The following TTC6 variants were observed in gnomAD, a reference collection of about 807,000 sequenced individuals.
TTC6 encodes the protein tetratricopeptide repeat protein 6.
Under a neutral mutation model 210.4 loss-of-function variants are expected in TTC6, and 172 were observed. The ratio of observed to expected loss-of-function variants is 0.82; its 90% CI spans 0.72 to 0.93. The LOEUF is 0.93. Ranked by LOEUF, TTC6 falls within the 40% of genes least tolerant of loss-of-function variation. The pLI is 0.00. For missense variants in TTC6, 2,414 were observed against 2,318.1 expected (o/e 1.04, Z -0.85); for synonymous variants, 804 against 819.6 (o/e 0.98, Z 0.32).
intron 12 of TTC6, 115 bp from the exon 15 acceptor site, chr14:37,750,938 G>A (rs2095950004): frequency 3.5e-6 from 2 of 571,906 alleles, no homozygotes; most frequent in South Asian, 3.6e-5. Flanking sequence ...ATAAGAAAGT[G>A]TAATAGAGAA....
chr14:37,732,398 T>C (rs1737882723), intron 7 of TTC6, among the ~76,000 whole-genome samples: 1 of 151,516 alleles, frequency 6.6e-6, no homozygotes, highest in Admixed American at 6.6e-5. Flanking sequence ...TTAGCCAGGA[T>C]GGTGTCGATC....
exon 30 of TTC6, chr14:37,841,638 A>T (rs1566986371): frequency 6.2e-7 from 1 of 1,603,852 alleles, no homozygotes; most frequent in South Asian, 1.1e-5. Context: ...TGCTTAAAGC[A>T]ATATGAACTA....
At chr14:37,659,439 A>G (rs2095732196) in intron 1 of TTC6, among the ~76,000 whole-genome samples, 1 of 151,810 alleles carries the variant, frequency 6.6e-6, no homozygotes, top group South Asian at 2.1e-4. Flanking sequence ...CAACCTCTCC[A>G]GCATCTGTTA....
chr14:37,822,483 G>T (rs1178749833), intron 26 of TTC6, among the ~76,000 whole-genome samples: 1 of 152,114 alleles, frequency 6.6e-6, no homozygotes. Flanking sequence ...ACTAAAATTT[G>T]AAACCTGTTT....
chr14:37,749,795 G>A (rs551354497), exon 12 of TTC6: 7 of 1,462,748 alleles, frequency 4.8e-6, no homozygotes, highest in Non-Finnish European at 5.4e-6. Context: ...AATTAATGAA[G>A]CTTTGGATGA....
intron 15 of TTC6, 101 bp from the exon 18 acceptor site, chr14:37,790,615 TA>T (rs2096077192): frequency 4.2e-6 from 4 of 952,792 alleles, no homozygotes; most frequent in South Asian, 1.6e-5. Context: ...TATATAATGT[TA>T]AAAAATGAGA....
chr14:37,725,334 ATATATATATATATATATATATATAAT>A lies in TTC6; in HGVS notation c.1818+334_1818+359del, dbSNP rs2138836928. Among the ~76,000 whole-genome samples the A allele has an allele frequency of 2.1e-5, 2 of 93,034 alleles. 1 individual carries two copies. The highest frequency in any genetic ancestry group is 7.4e-5 in the African/African-American group (2 of 27,020). The allele number at this position is 93,034 out of a possible 152,430, so 61.0% of individuals were successfully genotyped here. A position where few individuals can be genotyped will look rare whatever the true frequency, so the allele number is the denominator to read the frequency against. On this transcript the variant is annotated intron_variant, in intron 7 of 30. Transcript: ENST00000553443. ...TGTGTATATATATATATATATATAT[ATATATATATATATATATATATATAAT>A]TTTTTTTGAGATGGAGTTTTGCTCT... is the stretch of plus-strand genomic sequence containing the variant.
intron 1 of TTC6, among the ~76,000 whole-genome samples, chr14:37,646,884 G>T (rs1354258395): frequency 1.3e-5 from 2 of 152,142 alleles, no homozygotes; most frequent in Non-Finnish European, 2.9e-5. Flanking sequence ...TTAAATGAGG[G>T]ATATATTTTG....
chr14:37,665,668 A>G (rs889774556), intron 1 of TTC6, among the ~76,000 whole-genome samples: 2 of 150,736 alleles, frequency 1.3e-5, no homozygotes, highest in African/African-American at 4.8e-5. Flanking sequence ...GTTGAAGGAA[A>G]AAAATGATGA....
intron 14 of TTC6, among the ~76,000 whole-genome samples, chr14:37,780,154 A>G (rs2096050212): frequency 6.6e-6 from 1 of 152,288 alleles, no homozygotes; most frequent in South Asian, 2.1e-4. Context: ...AAAATTAATT[A>G]GTAATATTTT....
chr14:37,721,123 C>T (rs1019546245), intron 6 of TTC6, among the ~76,000 whole-genome samples: 2 of 151,022 alleles, frequency 1.3e-5, no homozygotes, highest in Admixed American at 1.3e-4. Context: ...AATGTAGCCT[C>T]AGTTAAAAAG....
chr14:37,687,908 A>C (rs2138593183), intron 3 of TTC6, among the ~76,000 whole-genome samples: 1 of 152,250 alleles, frequency 6.6e-6, no homozygotes, highest in Non-Finnish European at 1.5e-5. Flanking sequence ...GCTTGAGAAA[A>C]GTGGAGGCAA....
At chr14:37,644,921 T>C (rs1445265458) in intron 1 of TTC6, among the ~76,000 whole-genome samples, 2 of 152,212 alleles carry the variant, frequency 1.3e-5, no homozygotes, top group African/African-American at 4.8e-5. Flanking sequence ...CTCAGTTTTC[T>C]TATCTGTTCA....
At chr14:37,612,383 G>A (rs1469883331) in intron 2 of TTC6, among the ~76,000 whole-genome samples, 1 of 152,074 alleles carries the variant, frequency 6.6e-6, no homozygotes, top group African/African-American at 2.4e-5. Flanking sequence ...CATGACCTTT[G>A]CCTTGATTAC....
intron 6 of TTC6, among the ~76,000 whole-genome samples, chr14:37,724,499 T>C (rs1010665517): frequency 1.3e-5 from 2 of 152,244 alleles, no homozygotes; most frequent in Non-Finnish European, 2.9e-5. Flanking sequence ...TGTTACTCTA[T>C]TAATGGACAT....
chr14:37,667,113 A>C (rs77778513), intron 1 of TTC6, among the ~76,000 whole-genome samples: 1,789 of 150,292 alleles, frequency 0.012, 66 homozygotes, highest in African/African-American at 0.041. Context: ...ATAATTTAAA[A>C]ATAAAACATT....
At chr14:37,787,439 A>T in intron 14 of TTC6, 29 bp from the exon 17 acceptor site, 2 of 1,447,706 alleles carry the variant, frequency 1.4e-6, no homozygotes, top group Non-Finnish European at 1.8e-6. Context: ...ACTTTACAGT[A>T]CTTGTTAAAA....
intron 14 of TTC6, among the ~76,000 whole-genome samples, chr14:37,777,678 G>C (rs190089349): frequency 6.6e-6 from 1 of 151,976 alleles, no homozygotes; most frequent in Non-Finnish European, 1.5e-5. Flanking sequence ...AAGACACTGG[G>C]GTTTTGAGTT....
chr14:37,672,939 G>A (rs906487809), intron 1 of TTC6, among the ~76,000 whole-genome samples: 4 of 151,312 alleles, frequency 2.6e-5, no homozygotes, highest in Admixed American at 1.3e-4. Flanking sequence ...TATGTTTCTG[G>A]AACTACTATA....
Sources: gnomAD v4.1 joint callset for allele counts (sites outside exome capture counted in the v4.1 genomes callset) on GRCh38, gnomAD v4.1.1 for gene constraint, MANE v1.5 for transcripts, NCBI Gene and HGNC (gene_info 2026-07-23, HGNC 2026-07-21) for gene names.